ARSF: variants seen among roughly 807,000 people sequenced by gnomAD.
The protein encoded by ARSF is arylsulfatase F.
Under a neutral mutation model 35.4 loss-of-function variants are expected in ARSF, and 33 were observed. The observed-to-expected ratio is 0.93, with a 90% CI of 0.71 to 1.25. ARSF has a LOEUF of 1.25. ARSF is among the 50% of genes most tolerant of loss of function. ARSF has a pLI of 0.00. For synonymous variants in ARSF, 222 were observed against 193.1 expected (o/e 1.15, Z -1.24); for missense variants, 501 against 480.2 (o/e 1.04, Z -0.40).
chrX:3,047,735 T>C (rs765028154), intron 1 of ARSF, among the ~76,000 whole-genome samples: 54 of 110,668 alleles, frequency 4.9e-4, no homozygotes, highest in Admixed American at 2.7e-3. Flanking sequence ...GCTGATGTGC[T>C]TCATATGCAA....
chrX:3,070,315 A>G (rs113261277), intron 2 of ARSF, among the ~76,000 whole-genome samples: 4,907 of 111,493 alleles, frequency 0.044, 245 homozygotes, highest in African/African-American at 0.15. Context: ...ACTGAGGTTG[A>G]TTTCACAGTT....
intron 10 of ARSF, 64 bp from the exon 11 acceptor site, chrX:3,112,110 G>A: frequency 2.0e-6 from 2 of 1,016,809 alleles, no homozygotes; most frequent in Non-Finnish European, 2.7e-6. Flanking sequence ...TAGAACACTA[G>A]GACTTCTTCC....
At chrX:3,079,078 T>C (rs2090175658) in intron 4 of ARSF, among the ~76,000 whole-genome samples, 1 of 111,399 alleles carries the variant, frequency 9.0e-6, no homozygotes, top group African/African-American at 3.3e-5. Context: ...AGCATAATGT[T>C]TTATGGTAGC....
intron 6 of ARSF, among the ~76,000 whole-genome samples, chrX:3,084,911 T>C (rs1432933002): frequency 8.9e-6 from 1 of 111,929 alleles, no homozygotes; most frequent in Non-Finnish European, 1.9e-5. Flanking sequence ...ATTATATGAA[T>C]GTATTAAATT....
At chrX:3,045,976 G>A (rs1171761122) in intron 1 of ARSF, among the ~76,000 whole-genome samples, 5 of 110,319 alleles carry the variant, frequency 4.5e-5, no homozygotes, top group Non-Finnish European at 9.5e-5. Flanking sequence ...TCTGCCTCCC[G>A]AGTTCAAGCA....
intron 1 of ARSF, among the ~76,000 whole-genome samples, chrX:3,056,565 A>G (rs755895863): frequency 9.0e-6 from 1 of 110,694 alleles, no homozygotes; most frequent in Admixed American, 9.7e-5. Flanking sequence ...ATGAGCCACC[A>G]CTCCTGGACG....
At chrX:3,091,730 A>G (rs1308810484) in intron 7 of ARSF, among the ~76,000 whole-genome samples, 1 of 112,100 alleles carries the variant, frequency 8.9e-6, no homozygotes, top group Non-Finnish European at 1.9e-5. Context: ...GTGTTTGTGT[A>G]CATATGTATA....
At chrX:3,062,909 A>G (rs1221159473) in intron 1 of ARSF, among the ~76,000 whole-genome samples, 1 of 111,850 alleles carries the variant, frequency 8.9e-6, no homozygotes, top group Non-Finnish European at 1.9e-5. Flanking sequence ...TTCTGAAACT[A>G]TTCCAATCAA....
intron 1 of ARSF, among the ~76,000 whole-genome samples, chrX:3,061,627 C>CA (rs1306578253): frequency 9.3e-6 from 1 of 107,582 alleles, no homozygotes; most frequent in Non-Finnish European, 1.9e-5. Flanking sequence ...AAATGGAAAG[C>CA]AAAAAAAAAG....
chrX:3,089,713 G>A, intron 7 of ARSF, 81 bp downstream of exon 7: 5 of 1,062,535 alleles, frequency 4.7e-6, no homozygotes, highest in Non-Finnish European at 6.5e-6. Flanking sequence ...TGGTCAACCT[G>A]TAGAGTGAAG....
chrX:3,100,137 G>T (rs2090365843), intron 7 of ARSF, among the ~76,000 whole-genome samples: 1 of 112,199 alleles, frequency 8.9e-6, no homozygotes, highest in African/African-American at 3.2e-5. Context: ...TGCCCATTGA[G>T]TCTAATTCTC....
intron 8 of ARSF, 61 bp downstream of exon 8, chrX:3,101,282 A>C: frequency 8.8e-7 from 1 of 1,134,932 alleles, no homozygotes; most frequent in Non-Finnish European, 1.2e-6. Context: ...TGGTTCTTAT[A>C]ATTAAAGCCC....
At chrX:3,111,336 A>T (rs1192169782) in intron 10 of ARSF, among the ~76,000 whole-genome samples, 1 of 111,734 alleles carries the variant, frequency 8.9e-6, no homozygotes, top group Non-Finnish European at 1.9e-5. Flanking sequence ...TTAAATTTTT[A>T]AAAAGTGGCA....
chrX:3,096,101 A>C (rs1378235632), intron 7 of ARSF, among the ~76,000 whole-genome samples: 1 of 108,553 alleles, frequency 9.2e-6, no homozygotes, highest in Non-Finnish European at 1.9e-5. Flanking sequence ...TTAGTCCAAT[A>C]GTATAATTAG....
chrX:3,092,172 G>C (rs979852242), intron 7 of ARSF, among the ~76,000 whole-genome samples: 5 of 25,184 alleles, frequency 2.0e-4, no homozygotes, highest in African/African-American at 6.2e-4. Flanking sequence ...ATAGATGATA[G>C]ATAGATACAT....
intron 1 of ARSF, among the ~76,000 whole-genome samples, chrX:3,063,012 T>G (rs1414218900): frequency 2.7e-5 from 3 of 111,742 alleles, no homozygotes; most frequent in African/African-American, 9.7e-5. Context: ...AAAAGAGAAT[T>G]TTAGATCAAT....
chrX:3,073,216 TGATAATATATAAATATATATTTA>T (rs2090119007), intron 3 of ARSF, among the ~76,000 whole-genome samples: 5 of 92,552 alleles, frequency 5.4e-5, no homozygotes, highest in Non-Finnish European at 1.1e-4. Context: ...CAATATATAT[TGATAATATATAAATATATATTTA>T]TATATATAAT....
intron 2 of ARSF, among the ~76,000 whole-genome samples, chrX:3,071,571 T>C (rs749965785): frequency 2.0e-4 from 22 of 110,785 alleles, no homozygotes; most frequent in Non-Finnish European, 3.8e-4. Flanking sequence ...CCCAAAGTGC[T>C]GAGATTACAG....
In ARSF at chrX:3,086,219, C is replaced by T. The variant is rs190121921; in HGVS notation, c.830+1553C>T. ...CTCTGAAAGTATATGATAAGCAATCCTATTCTCTTCTGTCTGCCAGTTCGT... is the reference window on the plus strand; with the variant it reads ...CTCTGAAAGTATATGATAAGCAATCTTATTCTCTTCTGTCTGCCAGTTCGT... On this transcript the variant is annotated intron_variant, in intron 6 of 10. Transcript: ENST00000381127. Among the ~76,000 whole-genome samples, 45 of 111,732 alleles carry T rather than the reference C, an allele frequency of 4.0e-4. 1 individual carries two copies. In the East Asian group the frequency reaches 0.012, roughly 31 times the overall value.
Sources: gnomAD v4.1 joint callset for allele counts (sites outside exome capture counted in the v4.1 genomes callset) on GRCh38, gnomAD v4.1.1 for gene constraint, MANE v1.5 for transcripts, NCBI Gene and HGNC (gene_info 2026-07-23, HGNC 2026-07-21) for gene names.